Variants in FRMD4B observed in about 807,000 individuals in gnomAD.
FRMD4B encodes FERM domain containing 4B.
FRMD4B carries 74 observed loss-of-function variants against 141.5 expected under a neutral mutation model. The observed-to-expected ratio is 0.52, with a 90% CI of 0.43 to 0.63. The LOEUF (loss-of-function observed/expected upper bound fraction) is 0.63. Ranked by LOEUF, FRMD4B falls within the 30% of genes least tolerant of loss-of-function variation. FRMD4B has a pLI of 0.00. For missense variants in FRMD4B, 1,366 were observed against 1,253.4 expected, an observed-to-expected ratio of 1.09 and a Z score of -1.36; for synonymous variants, 506 against 467.9, an observed-to-expected ratio of 1.08 and a Z score of -1.05.
chr3:69,481,621 T>C (rs1449416424), intron 1 of FRMD4B, among the ~76,000 whole-genome samples: 1 of 152,222 alleles, frequency 6.6e-6, no homozygotes, highest in East Asian at 1.9e-4. Flanking sequence ...CACTTAACTC[T>C]TTCTGCCTGT....
At chr3:69,495,378 T>C (rs895002809) in intron 1 of FRMD4B, among the ~76,000 whole-genome samples, 12 of 152,192 alleles carry the variant, frequency 7.9e-5, no homozygotes, top group Non-Finnish European at 1.6e-4. Flanking sequence ...CCAAACCCCC[T>C]TTAGAAAGAA....
chr3:69,496,438 G>C (rs1012887620), intron 1 of FRMD4B, among the ~76,000 whole-genome samples: 2 of 152,144 alleles, frequency 1.3e-5, no homozygotes, highest in African/African-American at 4.8e-5. Flanking sequence ...AGTGACCCAA[G>C]TTCATCCAAT....
chr3:69,215,064 G>A (rs1395264863), intron 11 of FRMD4B, among the ~76,000 whole-genome samples: 1 of 151,444 alleles, frequency 6.6e-6, no homozygotes, highest in Non-Finnish European at 1.5e-5. Flanking sequence ...TATTTTAGTA[G>A]AGACGGGGTT....
chr3:69,428,928 C>G (rs534824943), intron 2 of FRMD4B, among the ~76,000 whole-genome samples: 13 of 152,308 alleles, frequency 8.5e-5, no homozygotes, highest in African/African-American at 3.1e-4. Context: ...GTAGCTCATA[C>G]AAGTAAGATC....
At chr3:69,242,128 A>C (rs2093389176) in intron 7 of FRMD4B, among the ~76,000 whole-genome samples, 1 of 152,166 alleles carries the variant, frequency 6.6e-6, no homozygotes. Context: ...TTGTTTATTG[A>C]GACAAAGAAA....
At position 69,445,344 on chromosome 3, in the gene FRMD4B, G is replaced by A. The variant is rs184891777; in HGVS notation, c.-128-12583C>T. 3.9e-5 allele frequency among the ~76,000 whole-genome samples: 6 copies of A among 152,230 alleles called. No homozygotes were observed. In the South Asian group the frequency reaches 8.3e-4, roughly 21 times the overall value. ...GCTATTCCAGTCTTCGGAGCAATTC[G>A]GTCTCTGCTCTAACAGCAGACAAAG... On this transcript the variant is annotated intron_variant, in intron 1 of 5. Transcript: ENST00000459638.
chr3:69,519,259 A>G (rs1360950245), intron 1 of FRMD4B, among the ~76,000 whole-genome samples: 1 of 152,190 alleles, frequency 6.6e-6, no homozygotes, highest in East Asian at 1.9e-4. Context: ...ATGAGTGGGA[A>G]TTAGCCAAGT....
At chr3:69,213,185 C>A (rs1447922678) in intron 11 of FRMD4B, among the ~76,000 whole-genome samples, 2 of 152,058 alleles carry the variant, frequency 1.3e-5, no homozygotes, top group East Asian at 3.8e-4. Context: ...ATTTCTCTGT[C>A]TTTGTAAATG....
At chr3:69,207,442 G>C (rs757054227) in intron 11 of FRMD4B, among the ~76,000 whole-genome samples, 1 of 152,008 alleles carries the variant, frequency 6.6e-6, no homozygotes, top group Non-Finnish European at 1.5e-5. Context: ...CTATTTATGA[G>C]CTATCTTTCA....
exon 1 of FRMD4B, chr3:69,542,308 G>A (rs1311410413): frequency 6.6e-6 from 1 of 152,498 alleles, no homozygotes; most frequent in Non-Finnish European, 1.5e-5. Flanking sequence ...CTCTGCGCCA[G>A]TCCTGCAAGT....
chr3:69,389,126 C>A (rs923246220), upstream of FRMD4B, among the ~76,000 whole-genome samples: 4 of 151,556 alleles, frequency 2.6e-5, no homozygotes, highest in Non-Finnish European at 4.4e-5. Flanking sequence ...CTCCGCCTCC[C>A]GGGTTCAAGT....
intron 19 of FRMD4B, among the ~76,000 whole-genome samples, chr3:69,186,172 T>G (rs2092764384): frequency 6.6e-6 from 1 of 152,142 alleles, no homozygotes; most frequent in Non-Finnish European, 1.5e-5. Flanking sequence ...AATATATTTT[T>G]TATATCAAAA....
At chr3:69,485,271 C>G (rs1032892456) in intron 1 of FRMD4B, among the ~76,000 whole-genome samples, 8 of 152,322 alleles carry the variant, frequency 5.3e-5, no homozygotes, top group Middle Eastern at 6.8e-3. Context: ...CGGGGGAGGC[C>G]AGGCAGCTGG....
intron 1 of FRMD4B, among the ~76,000 whole-genome samples, chr3:69,380,515 C>T (rs1344809269): frequency 6.6e-6 from 1 of 152,218 alleles, no homozygotes; most frequent in African/African-American, 2.4e-5. Context: ...TATATATGTT[C>T]CGTCATGAAT....
chr3:69,366,311 C>G (rs531581598), intron 1 of FRMD4B, among the ~76,000 whole-genome samples: 4 of 151,862 alleles, frequency 2.6e-5, no homozygotes, highest in Admixed American at 2.6e-4. Context: ...AACTTAATGT[C>G]CATCAATAGG....
chr3:69,383,157 T>C (rs528826268), intron 1 of FRMD4B, among the ~76,000 whole-genome samples: 22 of 152,342 alleles, frequency 1.4e-4, no homozygotes, highest in African/African-American at 5.3e-4. Context: ...AGCTGAAGTA[T>C]AGTAAGATTA....
At chr3:69,222,083 T>G (rs957856225) in intron 8 of FRMD4B, among the ~76,000 whole-genome samples, 160 bp from the exon 9 acceptor site, 6 of 152,172 alleles carry the variant, frequency 3.9e-5, no homozygotes, top group African/African-American at 1.4e-4. Context: ...AGGAGATGGA[T>G]TCCTGAACTT....
intron 1 of FRMD4B, among the ~76,000 whole-genome samples, chr3:69,438,577 T>C (rs1305475193): frequency 6.6e-6 from 1 of 152,156 alleles, no homozygotes; most frequent in African/African-American, 2.4e-5. Flanking sequence ...TAGGTGACAA[T>C]TTCAATACTT....
chr3:69,198,696 A>T lies in FRMD4B; in HGVS notation c.953+2T>A. The T allele has an allele frequency of 6.7e-7, 1 of 1,482,064 alleles. No homozygotes were observed. The highest frequency in any genetic ancestry group is 9.3e-7 in the Non-Finnish European group (1 of 1,073,886). 91.8% of individuals were successfully genotyped at this position (1,482,064 alleles called of 1,614,324 possible). ...ATACAGAGAAACGTCTTTGATCCTC[A>T]CCTTCGTGGATCATGAACTTCAACA... On this transcript the variant is annotated splice_donor_variant, in intron 12 of 22. Transcript: ENST00000398540. LOFTEE classifies it high-confidence loss of function.
Sources: gnomAD v4.1 joint callset for allele counts (sites outside exome capture counted in the v4.1 genomes callset) on GRCh38, gnomAD v4.1.1 for gene constraint, MANE v1.5 for transcripts, NCBI Gene and HGNC (gene_info 2026-07-23, HGNC 2026-07-21) for gene names.